Variants in USP49 observed in about 807,000 individuals in gnomAD.
USP49 encodes ubiquitin specific peptidase 49.
Under a neutral mutation model 58.6 loss-of-function variants are expected in USP49, and 24 were observed. That is an observed-to-expected ratio of 0.41 (90% CI 0.30 to 0.58). The LOEUF (loss-of-function observed/expected upper bound fraction) is 0.58. USP49 is among the 20% of genes least tolerant of loss of function. The pLI is 0.30. For synonymous variants in USP49, 408 were observed against 365.1 expected, an observed-to-expected ratio of 1.12 and a Z score of -1.34; for missense variants, 703 against 866.1, an observed-to-expected ratio of 0.81 and a Z score of 2.36.
At chr6:41,821,489 G>A (rs1020984378) in intron 3 of USP49, among the ~76,000 whole-genome samples, 3 of 152,132 alleles carry the variant, frequency 2.0e-5, no homozygotes, top group African/African-American at 2.4e-5. Context: ...AGAAAAGTCC[G>A]AGGCCGGGCA....
In USP49 at chr6:41,793,499, T is replaced by A. The variant is rs1772835017; in HGVS notation, c.*3034A>T. The A allele has an allele frequency of 6.5e-6, 1 of 152,848 alleles. No individual in the cohort carries two copies. Among genetic ancestry groups the A allele is most frequent in the African/African-American group, 2.4e-5 (1 of 41,444 alleles). 9.5% of individuals were successfully genotyped at this position (152,848 alleles called of 1,614,324 possible). On this transcript the variant is annotated 3_prime_UTR_variant, in exon 8 of 8. Transcript: ENST00000682992. ...TGATCTCAATCTCTTGACCTTGTGA[T>A]CCGCCCTCCTCGGCCTCCCAAAGTG...
intron 3 of USP49, among the ~76,000 whole-genome samples, chr6:41,821,541 G>C (rs1773453159): frequency 6.6e-6 from 1 of 152,206 alleles, no homozygotes; most frequent in Non-Finnish European, 1.5e-5. Context: ...GGGAGGCTGA[G>C]GTGGGTAGAT....
At chr6:41,798,061 T>G (rs1041038625) in intron 7 of USP49, 2 of 154,832 alleles carry the variant, frequency 1.3e-5, no homozygotes, top group African/African-American at 4.8e-5. Flanking sequence ...AGAGATGCAG[T>G]CTCGCTATGT....
At chr6:41,889,622 C>T (rs1161678032) in intron 2 of USP49, among the ~76,000 whole-genome samples, 1 of 152,106 alleles carries the variant, frequency 6.6e-6, no homozygotes, top group African/African-American at 2.4e-5. Flanking sequence ...ACCCATCATT[C>T]ACAAGTGAAA....
At chr6:41,879,357 T>C (rs1055275158) in intron 2 of USP49, among the ~76,000 whole-genome samples, 2 of 151,948 alleles carry the variant, frequency 1.3e-5, no homozygotes, top group Non-Finnish European at 2.9e-5. Context: ...GCCTCCCAAG[T>C]AGCTGGGACC....
intron 3 of USP49, among the ~76,000 whole-genome samples, chr6:41,815,963 G>A (rs1468613799): frequency 6.6e-6 from 1 of 152,220 alleles, no homozygotes; most frequent in Non-Finnish European, 1.5e-5. Context: ...CTAGGGAACT[G>A]GGCCTGGCAT....
chr6:41,820,181 GTT>G (rs58334288), intron 3 of USP49, among the ~76,000 whole-genome samples: 2,062 of 148,054 alleles, frequency 0.014, 28 homozygotes, highest in South Asian at 0.064. Context: ...TACATCATTA[GTT>G]TTTTTTTTTT....
chr6:41,797,582 G>C (rs1772908392), intron 7 of USP49: 1 of 980,752 alleles, frequency 1.0e-6, no homozygotes, highest in African/African-American at 1.8e-5. Context: ...TCCTTTGGAG[G>C]GGCCCTTGCA....
At chr6:41,800,776 G>T (rs148577403) in intron 5 of USP49, among the ~76,000 whole-genome samples, 10 of 152,294 alleles carry the variant, frequency 6.6e-5, no homozygotes, top group African/African-American at 1.9e-4. Flanking sequence ...AAATGATAGA[G>T]TATTTAAACA....
rs1343619411 is a variant in USP49 at position 41,806,390 on chromosome 6, C to T, written c.594G>A (p.Glu198=). The change falls in exon 4 of 8, where the codon GAG becomes GAA. Residue 198 remains glutamate (E), a synonymous_variant. Transcript: ENST00000682992. This position sits in a 1 kb window ranked among gnomAD's most constrained non-coding sequence, Gnocchi z 5.9. ...RRREVKRRLL[E]ELASTPPRKS... Reference sequence around the variant, plus strand: ...TGCGCGGAGGGGTGCTGGCCAGCTCCTCCAGCAGCCGCCGTTTCACCTCGC... The same window carrying T: ...TGCGCGGAGGGGTGCTGGCCAGCTCTTCCAGCAGCCGCCGTTTCACCTCGC... 2 of 1,554,158 alleles carry T rather than the reference C, an allele frequency of 1.3e-6. No homozygotes were observed. Among genetic ancestry groups the T allele is most frequent in the Non-Finnish European group, 1.7e-6 (2 of 1,159,200 alleles).
At chr6:41,871,924 A>T (rs1044735722) in intron 2 of USP49, among the ~76,000 whole-genome samples, 1 of 152,252 alleles carries the variant, frequency 6.6e-6, no homozygotes, top group African/African-American at 2.4e-5. Context: ...GGTCTTAAAA[A>T]TTACACATTA....
At chr6:41,865,078 T>C (rs1774286565) in intron 3 of USP49, among the ~76,000 whole-genome samples, 2 of 152,182 alleles carry the variant, frequency 1.3e-5, no homozygotes, top group Admixed American at 1.3e-4. Context: ...GGAGTCTTGC[T>C]CTGTCGCCCA....
In USP49 at chr6:41,799,783, C is replaced by T. The variant is rs769980134; in HGVS notation, c.1670+47G>A. The T allele has an allele frequency of 2.1e-5, 33 of 1,548,996 alleles. No homozygotes were observed. The South Asian group carries it at 3.6e-4, about 17-fold the overall frequency. On this transcript the variant is annotated intron_variant, in intron 6 of 7. Coordinates refer to ENST00000682992, the MANE Select transcript of USP49 (RefSeq NM_001286554.2). ...GCCCTCACCAAAGCCTTTGGAGCAG[C>T]TATTCCCACAGCTCTCACCCAGCTG...
In USP49 at chr6:41,850,451, G is replaced by GA. The variant is rs1254330716; in HGVS notation, c.-29+21112dup. Among the ~76,000 whole-genome samples, 56 of 128,312 alleles carry GA rather than the reference G, an allele frequency of 4.4e-4. No individual in the cohort carries two copies. The East Asian group carries it at 4.8e-3, about 11-fold the overall frequency. 84.2% of individuals were successfully genotyped at this position (128,312 alleles called of 152,430 possible). On this transcript the variant is annotated intron_variant, in intron 3 of 7. Transcript: ENST00000682992. ...GAGTGAGACTCAGCCTCTAAGGAAAGAAAAAAAAAAAAAATAAATAAATAA... is the reference window on the plus strand; with the variant it reads ...GAGTGAGACTCAGCCTCTAAGGAAAGAAAAAAAAAAAAAAATAAATAAATAA...
At chr6:41,861,760 G>C (rs1368672515) in intron 3 of USP49, among the ~76,000 whole-genome samples, 8 of 151,106 alleles carry the variant, frequency 5.3e-5, no homozygotes, top group African/African-American at 1.9e-4. Flanking sequence ...CAGGAGTGCA[G>C]TGATCTCGGC....
intron 2 of USP49, among the ~76,000 whole-genome samples, chr6:41,889,744 C>A (rs116360833): frequency 0.025 from 3,757 of 152,302 alleles, 70 homozygotes; most frequent in Non-Finnish European, 0.041. Context: ...ACAAACTAAA[C>A]TTTTTGAAAT....
chr6:41,807,160 TG>T (rs1299557266), intron 3 of USP49, 149 bp from the exon 4 acceptor site: 1 of 924,804 alleles, frequency 1.1e-6, no homozygotes, highest in Non-Finnish European at 1.4e-6. Context: ...TTGGTTCCTT[TG>T]AAAGTTAAAA....
rs560643604 is a variant in USP49 at position 41,856,506 on chromosome 6, C to A, written c.-29+15058G>T. 4.7e-4 allele frequency among the ~76,000 whole-genome samples: 71 copies of A among 152,212 alleles called. 1 individual carries two copies. Among genetic ancestry groups the A allele is most frequent in the African/African-American group, 1.6e-3 (66 of 41,500 alleles). On this transcript the variant is annotated intron_variant, in intron 3 of 7. Coordinates refer to ENST00000682992, the MANE Select transcript of USP49 (RefSeq NM_001286554.2). ...GTGTTGTAAGTTGAACAAAGATATG[C>A]AGAATTTGCAGAAGAAACACTCCGA...
chr6:41,791,706 A>G lies in USP49; in HGVS notation c.*4827T>C, dbSNP rs897149632. 2.0e-5 allele frequency: 3 copies of G among 152,262 alleles called. No homozygotes were observed. Among genetic ancestry groups the G allele is most frequent in the African/African-American group, 7.2e-5 (3 of 41,470 alleles). 9.4% of individuals were successfully genotyped at this position (152,262 alleles called of 1,614,324 possible). A position where few individuals can be genotyped will look rare whatever the true frequency, so the allele number is the denominator to read the frequency against. On this transcript the variant is annotated 3_prime_UTR_variant, in exon 8 of 8. Transcript: ENST00000682992. Reference sequence around the variant, plus strand: ...TCCACAAAAATGAGTGCCTGCCACAATGCTATAGTAGCTATGGTGTATTTA... The same window carrying G: ...TCCACAAAAATGAGTGCCTGCCACAGTGCTATAGTAGCTATGGTGTATTTA...
Sources: allele counts gnomAD v4.1 joint callset (sites outside exome capture counted in the v4.1 genomes callset), GRCh38; gene constraint gnomAD v4.1.1; non-coding constraint Gnocchi (gnomAD v3.1); transcripts MANE v1.5; gene names NCBI Gene and HGNC (gene_info 2026-07-23, HGNC 2026-07-21).